Variants in DIAPH2 observed in about 807,000 individuals in gnomAD.
The protein encoded by DIAPH2 is protein diaphanous homolog 2.
Under a neutral mutation model 92.7 loss-of-function variants are expected in DIAPH2, and 35 were observed. The observed-to-expected ratio is 0.38, with a 90% CI of 0.29 to 0.50. The LOEUF (loss-of-function observed/expected upper bound fraction) is 0.50. DIAPH2 is among the 20% of genes least tolerant of loss of function. The probability of loss-of-function intolerance (pLI) is 0.94; values close to 1 mark genes in which losing one functional copy is unlikely to be tolerated. For synonymous variants in DIAPH2, 301 were observed against 280.4 expected, an observed-to-expected ratio of 1.07 and a Z score of -0.73; for missense variants, 701 against 819.5, an observed-to-expected ratio of 0.86 and a Z score of 1.77.
rs186540005 is a variant in DIAPH2 at position 97,267,778 on chromosome X, G to A, written c.2844+19939G>A. 2.5e-3 allele frequency among the ~76,000 whole-genome samples: 278 copies of A among 111,484 alleles called. 1 individual carries two copies. Among genetic ancestry groups the A allele is most frequent in the African/African-American group, 8.0e-3 (247 of 30,754 alleles). ...CTGGGGAATAAATTAGGCGCCTCAC[G>A]TACATAACTCTTTTAGGGTACCCAG... On this transcript the variant is annotated intron_variant, in intron 23 of 26. Transcript: ENST00000324765.
chrX:97,072,349 G>A (rs770290303), intron 17 of DIAPH2, among the ~76,000 whole-genome samples: 2 of 112,159 alleles, frequency 1.8e-5, no homozygotes, highest in African/African-American at 6.5e-5. Context: ...TTCAAATAGC[G>A]AGGGATACAA....
At chrX:96,704,239 T>TA (rs1165354908) in intron 1 of DIAPH2, among the ~76,000 whole-genome samples, 1 of 112,382 alleles carries the variant, frequency 8.9e-6, no homozygotes, top group Non-Finnish European at 1.9e-5. Flanking sequence ...TTTGGTAGAC[T>TA]ACTTTCTCAT....
intron 5 of DIAPH2, among the ~76,000 whole-genome samples, chrX:96,882,355 A>G (rs767730606): frequency 2.7e-5 from 3 of 111,000 alleles, no homozygotes; most frequent in African/African-American, 9.8e-5. Flanking sequence ...GGCCGATTTT[A>G]TTCTTTTAAA....
At chrX:96,840,115 A>G (rs1038186956) in intron 4 of DIAPH2, among the ~76,000 whole-genome samples, 1 of 112,374 alleles carries the variant, frequency 8.9e-6, no homozygotes. Context: ...TCTTTTTATT[A>G]ACTCTCCATA....
intron 23 of DIAPH2, among the ~76,000 whole-genome samples, chrX:97,249,550 A>C: frequency 8.9e-6 from 1 of 112,100 alleles, no homozygotes; most frequent in East Asian, 2.8e-4. Flanking sequence ...AAATTAGAAT[A>C]TTGAGTTGGG....
chrX:96,783,749 T>G (rs1383954899), intron 4 of DIAPH2, among the ~76,000 whole-genome samples: 1 of 112,239 alleles, frequency 8.9e-6, no homozygotes, highest in Non-Finnish European at 1.9e-5. Flanking sequence ...CCCTTCCTCC[T>G]TTGGGAATCA....
At chrX:96,916,615 G>A (rs778553169) in intron 8 of DIAPH2, 41 bp downstream of exon 8, 1 of 1,131,879 alleles carries the variant, frequency 8.8e-7, no homozygotes, top group Non-Finnish European at 1.2e-6. Flanking sequence ...CATGGAAAAT[G>A]ACACTTAAGA....
At chrX:96,767,957 A>G (rs751296660) in intron 4 of DIAPH2, among the ~76,000 whole-genome samples, 1 of 112,274 alleles carries the variant, frequency 8.9e-6, no homozygotes, top group African/African-American at 3.2e-5. Flanking sequence ...AGAAATAGCA[A>G]ACAGAATTTG....
At chrX:96,859,289 C>T (rs1389908183) in intron 4 of DIAPH2, among the ~76,000 whole-genome samples, 3 of 109,900 alleles carry the variant, frequency 2.7e-5, no homozygotes, top group African/African-American at 6.6e-5. Context: ...AGAATAAATA[C>T]GAAGACAGTG....
At chrX:97,128,293 G>A (rs1020453455) in intron 21 of DIAPH2, among the ~76,000 whole-genome samples, 5 of 110,667 alleles carry the variant, frequency 4.5e-5, no homozygotes, top group Non-Finnish European at 9.4e-5. Flanking sequence ...TTGTCATGGC[G>A]CTGGTGGGAG....
chrX:97,055,404 A>G (rs902896561), intron 17 of DIAPH2, among the ~76,000 whole-genome samples: 2 of 111,337 alleles, frequency 1.8e-5, no homozygotes, highest in African/African-American at 6.5e-5. Context: ...AATGGCTTGA[A>G]CATTTCTTAT....
chrX:97,099,835 GGTTAA>G, intron 20 of DIAPH2, 40 bp downstream of exon 20: 1 of 788,247 alleles, frequency 1.3e-6, no homozygotes, highest in Non-Finnish European at 1.8e-6. Context: ...TCAGCTGGGA[GGTTAA>G]CACTTGCCAG....
intron 24 of DIAPH2, among the ~76,000 whole-genome samples, chrX:97,370,089 G>C (rs2069430957): frequency 9.0e-6 from 1 of 110,999 alleles, no homozygotes; most frequent in African/African-American, 3.3e-5. Flanking sequence ...GATTCCCCAG[G>C]GACTAGAACG....
chrX:97,192,516 C>T (rs982480357), intron 22 of DIAPH2, among the ~76,000 whole-genome samples: 17 of 110,798 alleles, frequency 1.5e-4, no homozygotes, highest in African/African-American at 5.6e-4. Flanking sequence ...TGCTAAAACA[C>T]TGTTCTGTGA....
chrX:96,822,775 A>G (rs772889058), intron 4 of DIAPH2, among the ~76,000 whole-genome samples: 4 of 112,586 alleles, frequency 3.6e-5, no homozygotes, highest in Non-Finnish European at 7.5e-5. Flanking sequence ...AATCAAGAAC[A>G]TAGTATATAC....
At chrX:96,991,541 T>TTG (rs1293088092) in intron 17 of DIAPH2, among the ~76,000 whole-genome samples, 1 of 105,281 alleles carries the variant, frequency 9.5e-6, no homozygotes, top group African/African-American at 3.5e-5. Context: ...TTTATGGTGT[T>TTG]TTTTTTTTTT....
intron 5 of DIAPH2, among the ~76,000 whole-genome samples, chrX:96,907,715 G>A (rs1179820708): frequency 1.8e-5 from 2 of 111,803 alleles, no homozygotes; most frequent in African/African-American, 3.3e-5. Context: ...TAGCCACTTT[G>A]GAAAGCAGTT....
chrX:96,780,814 C>CA (rs775281692), intron 4 of DIAPH2, among the ~76,000 whole-genome samples: 23 of 95,264 alleles, frequency 2.4e-4, no homozygotes, highest in Admixed American at 7.1e-4. Flanking sequence ...TCTCCCTGAT[C>CA]TTTTTTTTTT....
At chrX:97,051,382 C>G (rs1328230883) in intron 17 of DIAPH2, among the ~76,000 whole-genome samples, 3 of 110,249 alleles carry the variant, frequency 2.7e-5, no homozygotes, top group African/African-American at 6.6e-5. Context: ...TTAGCAGATG[C>G]TTCCAGAATC....
Sources: allele counts gnomAD v4.1 joint callset (sites outside exome capture counted in the v4.1 genomes callset), GRCh38; gene constraint gnomAD v4.1.1; transcripts MANE v1.5; gene names NCBI Gene and HGNC (gene_info 2026-07-23, HGNC 2026-07-21).